MYO18B: variants seen among roughly 807,000 people sequenced by gnomAD.
MYO18B encodes unconventional myosin-XVIIIb.
A neutral mutation model predicts 273.0 loss-of-function variants in MYO18B; 204 were observed. The observed-to-expected ratio is 0.75, with a 90% CI of 0.67 to 0.84. The LOEUF is 0.84. Among genes scored for constraint, MYO18B ranks in the 40% least tolerant of loss-of-function variants. The pLI is 0.00. For synonymous variants in MYO18B, 1,330 were observed against 1,305.7 expected, an observed-to-expected ratio of 1.02 and a Z score of -0.40; for missense variants, 3,212 against 3,287.6, an observed-to-expected ratio of 0.98 and a Z score of 0.56.
At chr22:25,875,420 A>G (rs958458701) in intron 23 of MYO18B, among the ~76,000 whole-genome samples, 2 of 152,256 alleles carry the variant, frequency 1.3e-5, no homozygotes, top group African/African-American at 4.8e-5. Flanking sequence ...ACGAGCCTCA[A>G]TGTCTGCTGC....
intron 21 of MYO18B, among the ~76,000 whole-genome samples, chr22:25,866,087 A>G (rs1337048487): frequency 6.6e-6 from 1 of 151,348 alleles, no homozygotes; most frequent in Non-Finnish European, 1.5e-5. Flanking sequence ...TTTTTTTTTG[A>G]TATCTTAGGA....
chr22:26,052,230 G>A, the MYO18B span, among the ~76,000 whole-genome samples: 5 of 152,172 alleles, frequency 3.3e-5, no homozygotes, highest in African/African-American at 1.2e-4. Flanking sequence ...GCTTTTTAGG[G>A]ATTAAAGGCA....
chr22:25,819,457 C>G (rs2089182561), intron 12 of MYO18B, among the ~76,000 whole-genome samples: 1 of 152,194 alleles, frequency 6.6e-6, no homozygotes, highest in African/African-American at 2.4e-5. Flanking sequence ...ACTCTCAATC[C>G]CCAGCACAGG....
intron 36 of MYO18B, among the ~76,000 whole-genome samples, chr22:25,949,224 C>G (rs767218369): frequency 6.6e-6 from 1 of 152,150 alleles, no homozygotes; most frequent in Non-Finnish European, 1.5e-5. Flanking sequence ...CTGCCTTGTC[C>G]AGTGCTGTAT....
At chr22:25,948,641 G>T (rs188774962) in intron 36 of MYO18B, among the ~76,000 whole-genome samples, 2 of 149,156 alleles carry the variant, frequency 1.3e-5, no homozygotes, top group Non-Finnish European at 3.0e-5. Flanking sequence ...CTGAATCCTT[G>T]CCATGTGTTA....
chr22:25,846,143 C>T lies in MYO18B; in HGVS notation c.3412C>T (p.Pro1138Ser), dbSNP rs370569543. The T allele has an allele frequency of 1.9e-6, 3 of 1,604,292 alleles. No individual in the cohort carries two copies. The highest frequency in any genetic ancestry group is 2.5e-6 in the Non-Finnish European group (3 of 1,176,622). The change falls in exon 19 of 44, where the codon CCT becomes TCT. Residue 1138 changes from proline (P) to serine (S), a missense_variant. Physicochemically the swap from Pro to Ser is moderately conservative, Grantham distance 74. Coordinates refer to ENST00000335473, the MANE Select transcript of MYO18B (RefSeq NM_032608.7). Reference sequence around the variant, plus strand: ...ATTCCAGGCCCGGGCCAAGCTGCCTCCTGTGTGCCGGGCTGTGGCAGGCCT... The same window carrying T: ...ATTCCAGGCCCGGGCCAAGCTGCCTTCTGTGTGCCGGGCTGTGGCAGGCCT... Reference protein sequence around the residue: ...SLFQARAKLPPVCRAVAGLEG... With the variant: ...SLFQARAKLPSVCRAVAGLEG...
intron 40 of MYO18B, among the ~76,000 whole-genome samples, chr22:25,998,280 T>C (rs1276516793): frequency 1.3e-5 from 2 of 152,162 alleles, no homozygotes; most frequent in Non-Finnish European, 2.9e-5. Flanking sequence ...CTCATTATTC[T>C]TGGAGGGAGG....
intron 12 of MYO18B, among the ~76,000 whole-genome samples, chr22:25,812,345 G>T (rs575149299): frequency 6.6e-6 from 1 of 152,268 alleles, no homozygotes; most frequent in East Asian, 1.9e-4. Context: ...AATTCTGAGA[G>T]GCTTCTCCCT....
the MYO18B span, among the ~76,000 whole-genome samples, chr22:26,060,672 C>T: frequency 1.3e-5 from 2 of 152,142 alleles, no homozygotes; most frequent in African/African-American, 4.8e-5. Flanking sequence ...CATACGCACA[C>T]ATGCACACTA....
At chr22:25,792,492 C>CTTTTTTTTTTTTTTTT (rs56047312) in intron 11 of MYO18B, among the ~76,000 whole-genome samples, 5 of 32,424 alleles carry the variant, frequency 1.5e-4, no homozygotes, top group Non-Finnish European at 2.3e-4. Context: ...TTTTTTTTTT[C>CTTTTTTTTTTTTTTTT]TTTTCTTTTT....
intron 42 of MYO18B, among the ~76,000 whole-genome samples, chr22:26,025,602 A>C (rs7284759): frequency 0.11 from 16,755 of 152,222 alleles, 983 homozygotes; most frequent in Middle Eastern, 0.17. Flanking sequence ...TACTTTTTTA[A>C]AAAATAAATT....
chr22:25,835,439 T>G lies in MYO18B; in HGVS notation c.3204T>G (p.Thr1068=). 6.2e-7 allele frequency: 1 copy of G among 1,613,742 alleles called. No homozygotes were observed. The highest frequency in any genetic ancestry group is 8.5e-7 in the Non-Finnish European group (1 of 1,179,862). ...CAAFEKKGAG[T]EGSSALRTCE... ...CTTTCGAGAAGAAAGGAGCTGGGACTGAAGGTAAGGAAGCAGGGGGCTGGG... is the reference window on the plus strand; with the variant it reads ...CTTTCGAGAAGAAAGGAGCTGGGACGGAAGGTAAGGAAGCAGGGGGCTGGG... The change falls in exon 17 of 44, where the codon ACT becomes ACG. Residue 1068 remains threonine (T), a synonymous_variant. Coordinates refer to ENST00000335473, the MANE Select transcript of MYO18B (RefSeq NM_032608.7).
intron 42 of MYO18B, among the ~76,000 whole-genome samples, chr22:26,015,128 G>T (rs1935212253): frequency 6.6e-6 from 1 of 152,052 alleles, no homozygotes; most frequent in Non-Finnish European, 1.5e-5. Flanking sequence ...TGAAATCTTT[G>T]CCCATTCCTG....
At chr22:25,750,555 G>A (rs1464094301) in intron 1 of MYO18B, among the ~76,000 whole-genome samples, 1 of 152,176 alleles carries the variant, frequency 6.6e-6, no homozygotes, top group Admixed American at 6.5e-5. Flanking sequence ...GCTCCATGCT[G>A]GTGTTCTCAC....
rs1220211303 is a variant in MYO18B at position 25,760,945 on chromosome 22, GTCTC to G, written c.-109-33_-109-30del. ...TAGGGCTGTGCCCATGAGCTAACCT[GTCTC>G]TCTCTTCTCTCCCCACTGTGTCCCT... On this transcript the variant is annotated intron_variant, in intron 1 of 43. Transcript: ENST00000335473. 3 of 888,042 alleles carry G rather than the reference GTCTC, an allele frequency of 3.4e-6. No homozygotes were observed. In the Admixed American group the frequency reaches 5.8e-5, roughly 17 times the overall value. The allele number at this position is 888,042 out of a possible 1,614,324, so 55.0% of individuals were successfully genotyped here. A position where few individuals can be genotyped will look rare whatever the true frequency, so the allele number is the denominator to read the frequency against.
chr22:26,044,539 T>C, the MYO18B span, among the ~76,000 whole-genome samples: 2 of 152,260 alleles, frequency 1.3e-5, no homozygotes, highest in African/African-American at 2.4e-5. Context: ...GTGTCTTATT[T>C]AATTCTCCCT....
intron 36 of MYO18B, among the ~76,000 whole-genome samples, chr22:25,948,437 TCCTTCCTTCCTTCCTTCC>T (rs2092744332): frequency 8.8e-6 from 1 of 113,370 alleles, no homozygotes; most frequent in African/African-American, 3.4e-5. Flanking sequence ...CTTCCTTCCT[TCCTTCCTTCCTTCCTTCC>T]TTCCTTCTTT....
At chr22:25,992,535 G>A (rs1319783227) in intron 40 of MYO18B, 42 bp downstream of exon 40, 1 of 1,611,852 alleles carries the variant, frequency 6.2e-7, no homozygotes, top group East Asian at 2.2e-5. Context: ...GCAGCAGGTG[G>A]GCGGCATCCT....
intron 2 of MYO18B, among the ~76,000 whole-genome samples, chr22:25,761,349 C>T (rs1490010604): frequency 2.6e-5 from 4 of 151,862 alleles, no homozygotes; most frequent in South Asian, 4.2e-4. Context: ...GACGCCCCCC[C>T]GAGGGCTGCC....
Sources: allele counts gnomAD v4.1 joint callset (sites outside exome capture counted in the v4.1 genomes callset), GRCh38; gene constraint gnomAD v4.1.1; transcripts MANE v1.5; gene names NCBI Gene and HGNC (gene_info 2026-07-23, HGNC 2026-07-21).